The following ADSS2 variants were observed in gnomAD, a reference collection of about 807,000 sequenced individuals.
ADSS2 encodes the protein adenylosuccinate synthase 2.
ADSS2 carries 30 observed loss-of-function variants against 60.0 expected under a neutral mutation model. The ratio of observed to expected loss-of-function variants is 0.50; its 90% CI spans 0.37 to 0.68. The LOEUF is 0.68. Among genes scored for constraint, ADSS2 ranks in the 30% least tolerant of loss-of-function variants. The probability of loss-of-function intolerance (pLI) is 0.00; values close to 1 mark genes in which losing one functional copy is unlikely to be tolerated. For missense variants in ADSS2, 373 were observed against 554.8 expected (o/e 0.67, Z 3.29); for synonymous variants, 187 against 193.1 (o/e 0.97, Z 0.26).
intron 3 of ADSS2, among the ~76,000 whole-genome samples, chr1:244,434,684 G>A (rs1665040745): frequency 6.6e-6 from 1 of 152,096 alleles, no homozygotes. Context: ...TAGATAAAGA[G>A]CAGGGTTGGA....
chr1:244,443,264 T>C (rs1371609466), intron 1 of ADSS2, among the ~76,000 whole-genome samples: 2 of 152,188 alleles, frequency 1.3e-5, no homozygotes, highest in Non-Finnish European at 2.9e-5. Flanking sequence ...AATGTATTAG[T>C]CTTATAATCA....
chr1:244,433,230 T>C (rs1310816417), intron 3 of ADSS2, among the ~76,000 whole-genome samples: 2 of 152,040 alleles, frequency 1.3e-5, no homozygotes, highest in African/African-American at 4.8e-5. Flanking sequence ...AGCGAGATGC[T>C]GTCTCACAAA....
chr1:244,448,614 G>A (rs569037844), intron 1 of ADSS2, among the ~76,000 whole-genome samples: 1 of 152,154 alleles, frequency 6.6e-6, no homozygotes, highest in South Asian at 2.1e-4. Flanking sequence ...CTTAAAGCCT[G>A]GTATAAACTA....
At chr1:244,427,486 A>G (rs1664834488) in intron 4 of ADSS2, among the ~76,000 whole-genome samples, 1 of 152,198 alleles carries the variant, frequency 6.6e-6, no homozygotes, top group South Asian at 2.1e-4. Flanking sequence ...AACTATAGTA[A>G]AAGTAACTAG....
intron 4 of ADSS2, 83 bp downstream of exon 4, chr1:244,432,462 A>T: frequency 9.6e-7 from 1 of 1,038,374 alleles, no homozygotes. Flanking sequence ...AAAATAAAAG[A>T]CAAAATTAGT....
Position 244,437,779 on chromosome 1 carries a change from A to C in ADSS2, c.184-11T>G. On this transcript the variant is annotated splice_polypyrimidine_tract_variant and intron_variant, in intron 1 of 12. Coordinates refer to ENST00000366535, the MANE Select transcript of ADSS2 (RefSeq NM_001126.5). The stretch of plus-strand genomic sequence containing the variant: ...AGCATTATTTCCTCCCTAAAATGTA[A>C]GATAGGGGAAAATTGAGCCTGATGA... 1 of 1,549,456 alleles carries C rather than the reference A, an allele frequency of 6.5e-7. No individual in the cohort carries two copies. The highest frequency in any genetic ancestry group is 8.9e-7 in the Non-Finnish European group (1 of 1,121,784).
rs1664346084 is a variant in ADSS2 at position 244,408,965 on chromosome 1, A to C, written c.*621T>G. On this transcript the variant is annotated 3_prime_UTR_variant, in exon 13 of 13. Coordinates refer to ENST00000366535, the MANE Select transcript of ADSS2 (RefSeq NM_001126.5). ...ATGTATTAAATAACTGACAGAAATA[A>C]GTTCTGTGTTCTGTACAAATTAAAG... 6.6e-6 allele frequency: 1 copy of C among 152,626 alleles called. No homozygotes were observed. The highest frequency in any genetic ancestry group is 2.4e-5 in the African/African-American group (1 of 41,440). The allele number at this position is 152,626 out of a possible 1,614,324, so 9.5% of individuals were successfully genotyped here.
chr1:244,420,401 G>T, intron 7 of ADSS2, 105 bp from the exon 8 acceptor site: 1 of 1,036,588 alleles, frequency 9.6e-7, no homozygotes, highest in Non-Finnish European at 1.4e-6. Context: ...ACTGACAAAC[G>T]CAAAGTAGAA....
At chr1:244,418,577 T>TC (rs1664589608) in intron 9 of ADSS2, among the ~76,000 whole-genome samples, 183 bp downstream of exon 9, 1 of 152,136 alleles carries the variant, frequency 6.6e-6, no homozygotes, top group South Asian at 2.1e-4. Flanking sequence ...TGCCTCTGCC[T>TC]CCCAAAGCAC....
intron 10 of ADSS2, 32 bp from the exon 11 acceptor site, chr1:244,416,110 A>G (rs764938743): frequency 1.4e-6 from 2 of 1,463,270 alleles, no homozygotes; most frequent in Non-Finnish European, 1.9e-6. Context: ...ATGTTAAAAG[A>G]GCAGACTCTT....
intron 1 of ADSS2, 65 bp from the exon 2 acceptor site, chr1:244,437,833 C>T: frequency 8.1e-7 from 1 of 1,231,612 alleles, no homozygotes; most frequent in Non-Finnish European, 1.2e-6. Flanking sequence ...TATCTCCCTC[C>T]AAAGTGAATT....
chr1:244,416,794 C>T (rs536850372), intron 10 of ADSS2, among the ~76,000 whole-genome samples: 1 of 152,248 alleles, frequency 6.6e-6, no homozygotes, highest in South Asian at 2.1e-4. Context: ...CTCTGGTTAC[C>T]ATCACCTCTA....
At position 244,432,585 on chromosome 1, in the gene ADSS2, G is replaced by T; in HGVS notation, c.366C>A (p.Gly122=). 1.3e-6 allele frequency: 2 copies of T among 1,568,000 alleles called. No individual in the cohort carries two copies. The highest frequency in any genetic ancestry group is 1.7e-6 in the Non-Finnish European group (2 of 1,153,020). ...KNVQKGKGLE[G]WEKRLIISDR... ...CAGATATAATAAGCCTTTTTTCCCA[G>T]CCTTCTAGTCCTAGAAAGGGGAAAA... The change falls in exon 4 of 13, where the codon GGC becomes GGA. Residue 122 remains glycine, a synonymous_variant. Coordinates refer to ENST00000366535, the MANE Select transcript of ADSS2 (RefSeq NM_001126.5).
At chr1:244,443,067 C>G (rs1665288288) in intron 1 of ADSS2, among the ~76,000 whole-genome samples, 1 of 152,162 alleles carries the variant, frequency 6.6e-6, no homozygotes, top group Admixed American at 6.5e-5. Context: ...CCAGGATGAG[C>G]AACAGCAAGG....
chr1:244,425,660 C>T (rs193088415), intron 4 of ADSS2, among the ~76,000 whole-genome samples: 10 of 152,222 alleles, frequency 6.6e-5, no homozygotes, highest in East Asian at 1.9e-4. Flanking sequence ...CAGTCCTCCC[C>T]CTGTGTTTGG....
At chr1:244,431,180 TAA>T (rs1664935831) in intron 4 of ADSS2, among the ~76,000 whole-genome samples, 1 of 152,102 alleles carries the variant, frequency 6.6e-6, no homozygotes, top group Non-Finnish European at 1.5e-5. Context: ...TAGTGATATA[TAA>T]GTTTAAAATT....
chr1:244,437,802 T>G (rs774633332), intron 1 of ADSS2, 34 bp from the exon 2 acceptor site: 1 of 1,426,838 alleles, frequency 7.0e-7, no homozygotes, highest in Non-Finnish European at 9.9e-7. Flanking sequence ...TTGAGCCTGA[T>G]GATAAATACT....
chr1:244,436,452 A>C (rs1665103044), intron 3 of ADSS2, among the ~76,000 whole-genome samples: 1 of 152,186 alleles, frequency 6.6e-6, no homozygotes, highest in Non-Finnish European at 1.5e-5. Flanking sequence ...AAAAACAAAA[A>C]TTCCCTTTTA....
rs539293290 is a variant in ADSS2, at chr1:244,429,187, C to T, written c.406+3358G>A. Among the ~76,000 whole-genome samples the T allele has an allele frequency of 2.1e-4, 32 of 152,234 alleles. No individual in the cohort carries two copies. In the East Asian group the frequency reaches 3.7e-3, roughly 17 times the overall value. On this transcript the variant is annotated intron_variant, in intron 4 of 12. Coordinates refer to ENST00000366535, the MANE Select transcript of ADSS2 (RefSeq NM_001126.5). ...TTTTACTGATTGGGGAACTAATGAC[C>T]GGAAAGGAAATCACTTGCCAGAGGA...
Sources: allele counts gnomAD v4.1 joint callset (sites outside exome capture counted in the v4.1 genomes callset), GRCh38; gene constraint gnomAD v4.1.1; transcripts MANE v1.5; gene names NCBI Gene and HGNC (gene_info 2026-07-23, HGNC 2026-07-21).